Variants in ANKRD30B observed in about 807,000 individuals in gnomAD.
ANKRD30B encodes ankyrin repeat domain-containing protein 30B.
ANKRD30B carries 144 observed loss-of-function variants against 202.2 expected under a neutral mutation model. The observed-to-expected ratio is 0.71, with a 90% CI of 0.62 to 0.82. The LOEUF (loss-of-function observed/expected upper bound fraction) is 0.82. Among genes scored for constraint, ANKRD30B ranks in the 40% least tolerant of loss-of-function variants. The pLI, the probability that ANKRD30B is intolerant of heterozygous loss-of-function variation, is 0.00. For missense variants in ANKRD30B, 1,487 were observed against 1,669.1 expected (o/e 0.89, Z 1.90); for synonymous variants, 508 against 561.3 (o/e 0.91, Z 1.34).
intron 34 of ANKRD30B, among the ~76,000 whole-genome samples, chr18:14,832,054 A>G (rs1351270294): frequency 2.6e-5 from 4 of 152,176 alleles, no homozygotes; most frequent in Non-Finnish European, 5.9e-5. Context: ...ATTAAACACC[A>G]AAATAATATT....
At chr18:14,869,296 C>T in the ANKRD30B span, among the ~76,000 whole-genome samples, 1 of 151,600 alleles carries the variant, frequency 6.6e-6, no homozygotes, top group Non-Finnish European at 1.5e-5. Context: ...AGACGGTCAT[C>T]TTACTAGCAC....
At chr18:14,793,667 G>A (rs1295376867) in intron 16 of ANKRD30B, among the ~76,000 whole-genome samples, 1 of 152,078 alleles carries the variant, frequency 6.6e-6, no homozygotes, top group Non-Finnish European at 1.5e-5. Context: ...GGCCGAGGCG[G>A]GCGGATCACG....
intron 16 of ANKRD30B, among the ~76,000 whole-genome samples, chr18:14,791,756 A>T (rs45545342): frequency 0.02 from 3,121 of 152,262 alleles, 44 homozygotes; most frequent in Middle Eastern, 0.031. Flanking sequence ...AGGAGAAAGT[A>T]GTAAAAGAGG....
In ANKRD30B at chr18:14,851,844, A is replaced by G. The variant is rs769683930; in HGVS notation, c.3900A>G (p.Arg1300=). The G allele has an allele frequency of 2.0e-5, 32 of 1,590,924 alleles. No homozygotes were observed. The highest frequency in any genetic ancestry group is 2.7e-5 in the Non-Finnish European group (31 of 1,168,510). The part of the protein sequence containing the change: ...LETEIESHHP[R]LASALQDHDQ... ...CAGAAATTGAATCACACCATCCTAG[A>G]CTGGCTTCTGCTTTACAAGACCATG... The change falls in exon 42 of 44, where the codon AGA becomes AGG. Residue 1300 remains arginine (R), a synonymous_variant. Transcript: ENST00000690538.
the ANKRD30B span, among the ~76,000 whole-genome samples, chr18:14,874,301 G>A: frequency 3.3e-5 from 5 of 152,104 alleles, no homozygotes; most frequent in South Asian, 2.1e-4. Context: ...CACATTTCAC[G>A]TTAATTATTA....
chr18:14,853,544 T>C (rs1034136035), intron 42 of ANKRD30B, among the ~76,000 whole-genome samples: 11 of 151,976 alleles, frequency 7.2e-5, no homozygotes, highest in African/African-American at 2.4e-4. Flanking sequence ...CCTTTTTTTT[T>C]TTTTTGAGAC....
chr18:14,914,855 T>C, the ANKRD30B span, among the ~76,000 whole-genome samples: 79,801 of 151,918 alleles, frequency 0.53, 21,286 homozygotes, highest in African/African-American at 0.6. Flanking sequence ...CCATTGGACA[T>C]AGGGGTCTGA....
chr18:14,880,109 T>C, the ANKRD30B span, among the ~76,000 whole-genome samples: 1 of 148,602 alleles, frequency 6.7e-6, no homozygotes, highest in Non-Finnish European at 1.5e-5. Context: ...GGCTCGCCAA[T>C]TATCCCAACA....
chr18:14,748,608 C>T lies in ANKRD30B; in HGVS notation c.189C>T (p.Pro63=), dbSNP rs556615358. The T allele has an allele frequency of 7.0e-6, 11 of 1,566,920 alleles. No individual in the cohort carries two copies. The highest frequency in any genetic ancestry group is 1.4e-5 in the African/African-American group (1 of 73,872). ...KLEKMTVGKK[P]VNLNKRDMKK... Reference sequence around the variant, plus strand: ...AGAAGATGACAGTAGGGAAGAAGCCCGTCAACCTGAACAAAAGAGATATGA... The same window carrying T: ...AGAAGATGACAGTAGGGAAGAAGCCTGTCAACCTGAACAAAAGAGATATGA... The change falls in exon 1 of 44, where the codon CCC becomes CCT. Residue 63 remains proline (P), a synonymous_variant. Coordinates refer to ENST00000690538, the MANE Select transcript of ANKRD30B (RefSeq NM_001367607.2).
At chr18:14,897,320 AC>A in the ANKRD30B span, among the ~76,000 whole-genome samples, 1 of 152,166 alleles carries the variant, frequency 6.6e-6, no homozygotes, top group Non-Finnish European at 1.5e-5. Flanking sequence ...AGCTGCAATT[AC>A]AGGCATGCAC....
chr18:14,897,519 G>A, the ANKRD30B span, among the ~76,000 whole-genome samples: 4 of 151,528 alleles, frequency 2.6e-5, no homozygotes, highest in African/African-American at 9.7e-5. Context: ...ACATTCTTGG[G>A]AATTGTTACA....
rs182408995 is a variant in ANKRD30B, at chr18:14,841,107, T to C, written c.3079+429T>C. ...ATTTGGCAGAGAATTACAGCAAACA[T>C]GTTGACAGTCTTGTCTTTCTCACTG... On this transcript the variant is annotated intron_variant, in intron 37 of 43. Coordinates refer to ENST00000690538, the MANE Select transcript of ANKRD30B (RefSeq NM_001367607.2). Among the ~76,000 whole-genome samples the C allele has an allele frequency of 2.5e-3, 388 of 152,296 alleles. 2 individuals are homozygous for C. The highest frequency in any genetic ancestry group is 8.9e-3 in the African/African-American group (369 of 41,568).
chr18:14,775,435 T>C (rs1967297479), intron 9 of ANKRD30B, among the ~76,000 whole-genome samples: 1 of 152,230 alleles, frequency 6.6e-6, no homozygotes, highest in Non-Finnish European at 1.5e-5. Context: ...GAGTTTAAAC[T>C]GTAGTCTTAG....
At chr18:14,791,099 T>C (rs1314586335) in intron 15 of ANKRD30B, among the ~76,000 whole-genome samples, 2 of 152,210 alleles carry the variant, frequency 1.3e-5, no homozygotes, top group Non-Finnish European at 2.9e-5. Context: ...GAGATTCAAC[T>C]TATTCCTGGT....
chr18:14,855,564 C>T (rs1393724693), downstream of ANKRD30B, among the ~76,000 whole-genome samples: 2 of 149,182 alleles, frequency 1.3e-5, no homozygotes, highest in Non-Finnish European at 3.0e-5. Flanking sequence ...GGCAACCAGG[C>T]AAGAGGTGCT....
chr18:14,775,870 A>G (rs567435446), intron 9 of ANKRD30B, among the ~76,000 whole-genome samples: 4 of 152,376 alleles, frequency 2.6e-5, no homozygotes, highest in African/African-American at 9.6e-5. Context: ...GGAAAAAATC[A>G]ATTAACTTAA....
the ANKRD30B span, among the ~76,000 whole-genome samples, chr18:14,860,060 G>A: frequency 2.3e-4 from 33 of 146,644 alleles, no homozygotes; most frequent in East Asian, 1.7e-3. Flanking sequence ...GGGCAGAGGC[G>A]CTCCTCACCT....
rs1972000964 is a variant in ANKRD30B, at chr18:14,854,275, A to C, written c.*117A>C. Among the ~76,000 whole-genome samples, 1 of 152,238 alleles carries C rather than the reference A, an allele frequency of 6.6e-6. No homozygotes were observed. Among genetic ancestry groups the C allele is most frequent in the Non-Finnish European group, 1.5e-5 (1 of 68,046 alleles). ...AGAAGAAAAGGTAAAATGAAAAGAA[A>C]TAACCAAAAATTTACTTCCCAAGAT... On this transcript the variant is annotated 3_prime_UTR_variant, in exon 44 of 44. Transcript: ENST00000690538.
chr18:14,890,954 A>G, the ANKRD30B span, among the ~76,000 whole-genome samples: 1 of 152,162 alleles, frequency 6.6e-6, no homozygotes, highest in African/African-American at 2.4e-5. Context: ...TTTATTACAT[A>G]TATCTTCCTT....
Sources: gnomAD v4.1 joint callset for allele counts (sites outside exome capture counted in the v4.1 genomes callset) on GRCh38, gnomAD v4.1.1 for gene constraint, MANE v1.5 for transcripts, NCBI Gene and HGNC (gene_info 2026-07-23, HGNC 2026-07-21) for gene names.